LUZP2: variants seen among roughly 807,000 people sequenced by gnomAD.
LUZP2 encodes leucine zipper protein 2.
A neutral mutation model predicts 51.6 loss-of-function variants in LUZP2; 52 were observed. That is an observed-to-expected ratio of 1.01 (90% CI 0.81 to 1.27). The LOEUF (loss-of-function observed/expected upper bound fraction) is 1.27. LUZP2 is among the 50% of genes most tolerant of loss of function. LUZP2 has a pLI of 0.00. For missense variants in LUZP2, 436 were observed against 395.4 expected, an observed-to-expected ratio of 1.10 and a Z score of -0.87; for synonymous variants, 154 against 137.3, an observed-to-expected ratio of 1.12 and a Z score of -0.85.
At chr11:24,980,462 T>G (rs1855996648) in intron 8 of LUZP2, among the ~76,000 whole-genome samples, 1 of 151,670 alleles carries the variant, frequency 6.6e-6, no homozygotes, top group Admixed American at 6.6e-5. Flanking sequence ...GATAAAATGA[T>G]AAATATTTCA....
intron 1 of LUZP2, among the ~76,000 whole-genome samples, chr11:24,619,481 A>AT (rs562537085): frequency 4.6e-5 from 7 of 152,028 alleles, no homozygotes; most frequent in Admixed American, 1.3e-4. Flanking sequence ...ACACTGGCAC[A>AT]TTTTTTTTAA....
chr11:24,943,530 G>T (rs1429435784), intron 7 of LUZP2, among the ~76,000 whole-genome samples: 1 of 152,070 alleles, frequency 6.6e-6, no homozygotes, highest in African/African-American at 2.4e-5. Flanking sequence ...ACTATAAGCT[G>T]CTATTCTGGG....
At chr11:24,971,633 A>G (rs1855738513) in intron 7 of LUZP2, among the ~76,000 whole-genome samples, 1 of 152,150 alleles carries the variant, frequency 6.6e-6, no homozygotes, top group South Asian at 2.1e-4. Flanking sequence ...TATCTAAAAT[A>G]GAAGTTTTAA....
At chr11:24,614,355 G>A (rs561162164) in intron 1 of LUZP2, among the ~76,000 whole-genome samples, 1 of 151,912 alleles carries the variant, frequency 6.6e-6, no homozygotes, top group East Asian at 1.9e-4. Context: ...CTGAACTTGT[G>A]TTACTTTAAC....
chr11:24,881,701 T>G (rs1363835128), intron 5 of LUZP2, among the ~76,000 whole-genome samples: 1 of 151,934 alleles, frequency 6.6e-6, no homozygotes, highest in Non-Finnish European at 1.5e-5. Flanking sequence ...CAAATTCAAA[T>G]GGAATAAAGT....
chr11:24,611,105 C>T lies in LUZP2; in HGVS notation c.62+113800C>T, dbSNP rs1432737195. 6.6e-6 allele frequency among the ~76,000 whole-genome samples: 1 copy of T among 150,446 alleles called. No homozygotes were observed. The highest frequency in any genetic ancestry group is 1.5e-5 in the Non-Finnish European group (1 of 67,772). ...TTTGTTTTGTTTTGTTTTGGCTATC[C>T]GAAGTAACATATAAGTGACTTTTAT... On this transcript the variant is annotated intron_variant, in intron 1 of 11. Transcript: ENST00000336930. This position sits in a 1 kb window ranked among gnomAD's most constrained non-coding sequence, Gnocchi z 4.6.
intron 1 of LUZP2, among the ~76,000 whole-genome samples, chr11:24,707,307 C>CGT (rs58713202): frequency 0.068 from 9,982 of 147,426 alleles, 1,045 homozygotes; most frequent in African/African-American, 0.23. Context: ...TCTGTGTGTG[C>CGT]GTGTGTGTGT....
At chr11:24,897,515 C>T (rs1307272491) in intron 5 of LUZP2, among the ~76,000 whole-genome samples, 1 of 151,950 alleles carries the variant, frequency 6.6e-6, no homozygotes, top group African/African-American at 2.4e-5. Context: ...ACTCCCGAGG[C>T]GCTGCATTAA....
At chr11:25,070,577 A>G (rs1290561760) in intron 10 of LUZP2, among the ~76,000 whole-genome samples, 1 of 152,010 alleles carries the variant, frequency 6.6e-6, no homozygotes, top group Non-Finnish European at 1.5e-5. Context: ...GGTGAGAAAC[A>G]TGGGGAGCAT....
At chr11:24,922,965 C>A (rs1002631147) in intron 7 of LUZP2, among the ~76,000 whole-genome samples, 9 of 149,536 alleles carry the variant, frequency 6.0e-5, no homozygotes, top group Middle Eastern at 3.6e-3. Flanking sequence ...TCTCCTGCCT[C>A]AGCCTCCTGA....
chr11:24,827,014 T>A (rs1486726), intron 5 of LUZP2, among the ~76,000 whole-genome samples: 3 of 151,898 alleles, frequency 2.0e-5, no homozygotes, highest in Admixed American at 6.6e-5. Flanking sequence ...AATTATAATG[T>A]CATTGGGTTT....
intron 5 of LUZP2, among the ~76,000 whole-genome samples, chr11:24,769,706 T>TG (rs35763756): frequency 0.52 from 76,356 of 148,166 alleles, 20,296 homozygotes; most frequent in Non-Finnish European, 0.59. Context: ...TTTTTTTTTT[T>TG]GGGATTATAA....
chr11:24,508,115 C>T lies in LUZP2; in HGVS notation c.62+10810C>T, dbSNP rs141199783. On this transcript the variant is annotated intron_variant, in intron 1 of 11. Coordinates refer to ENST00000336930, the MANE Select transcript of LUZP2 (RefSeq NM_001009909.4). ...AATTTTATAGATGTAGAAACTAAGG[C>T]ACATGAGATTAGATTACTTGGCCAA... Among the ~76,000 whole-genome samples the T allele has an allele frequency of 4.7e-4, 72 of 152,094 alleles. 1 individual carries two copies. In the East Asian group the frequency reaches 0.011, roughly 24 times the overall value.
intron 1 of LUZP2, among the ~76,000 whole-genome samples, chr11:24,708,694 A>G (rs1231814097): frequency 6.6e-6 from 1 of 152,118 alleles, no homozygotes; most frequent in Non-Finnish European, 1.5e-5. Flanking sequence ...CAGAAGCCCA[A>G]AGTATGATTC....
chr11:25,030,929 TAATATATA>T (rs1565254541), intron 9 of LUZP2, among the ~76,000 whole-genome samples: 2,527 of 11,510 alleles, frequency 0.22, 300 homozygotes, highest in Admixed American at 0.36. Flanking sequence ...TATATATATA[TAATATATA>T]TTATATATAT....
intron 9 of LUZP2, among the ~76,000 whole-genome samples, chr11:25,024,792 C>A (rs564644099): frequency 6.7e-6 from 1 of 149,512 alleles, no homozygotes; most frequent in African/African-American, 2.5e-5. Flanking sequence ...TTGGAAAAAA[C>A]TACTTTAAAG....
chr11:24,689,745 A>T (rs971480708), intron 1 of LUZP2, among the ~76,000 whole-genome samples: 1 of 152,040 alleles, frequency 6.6e-6, no homozygotes, highest in Non-Finnish European at 1.5e-5. Context: ...ACATTATTTT[A>T]TCTTTGACAA....
chr11:24,940,080 T>G (rs943778620), intron 7 of LUZP2, among the ~76,000 whole-genome samples: 1 of 151,578 alleles, frequency 6.6e-6, no homozygotes, highest in Non-Finnish European at 1.5e-5. Context: ...ATGGTGAATA[T>G]AGAAAAAAAG....
At chr11:24,795,629 G>A (rs1247429318) in intron 5 of LUZP2, among the ~76,000 whole-genome samples, 1 of 152,072 alleles carries the variant, frequency 6.6e-6, no homozygotes, top group Non-Finnish European at 1.5e-5. Context: ...CCAAACCTGA[G>A]CTTTTTACCA....
Sources: allele counts gnomAD v4.1 joint callset (sites outside exome capture counted in the v4.1 genomes callset), GRCh38; gene constraint gnomAD v4.1.1; non-coding constraint Gnocchi (gnomAD v3.1); transcripts MANE v1.5; gene names NCBI Gene and HGNC (gene_info 2026-07-23, HGNC 2026-07-21).